Variants in XCR1 observed in about 807,000 individuals in gnomAD.
XCR1 encodes the protein chemokine XC receptor 1.
For missense variants in XCR1, 356 were observed against 424.2 expected (o/e 0.84, Z 1.41); for synonymous variants, 187 against 188.5 (o/e 0.99, Z 0.06).
intron 1 of XCR1, among the ~76,000 whole-genome samples, chr3:46,085,445 C>T (rs1206745484): frequency 6.6e-6 from 1 of 152,212 alleles, no homozygotes; most frequent in Non-Finnish European, 1.5e-5. Flanking sequence ...GACAATTGTT[C>T]TGCAGCCTGT....
At chr3:46,070,248 G>A (rs1407601561) in intron 3 of XCR1, among the ~76,000 whole-genome samples, 1 of 152,008 alleles carries the variant, frequency 6.6e-6, no homozygotes, top group Non-Finnish European at 1.5e-5. Context: ...TGAGAAGAAG[G>A]TATATTCTAT....
chr3:46,076,254 C>G (rs1470554066), intron 2 of XCR1, among the ~76,000 whole-genome samples: 1 of 152,142 alleles, frequency 6.6e-6, no homozygotes, highest in Non-Finnish European at 1.5e-5. Flanking sequence ...TTGTCTCTAC[C>G]ATCTGACATA....
chr3:46,076,368 C>CTT (rs1698260306), intron 2 of XCR1, among the ~76,000 whole-genome samples: 1 of 152,058 alleles, frequency 6.6e-6, no homozygotes, highest in Admixed American at 6.6e-5. Context: ...AAATCTGGGC[C>CTT]GTTCCTACTT....
chr3:46,058,068 AT>A (rs2125900499), intron 4 of XCR1, among the ~76,000 whole-genome samples: 1 of 152,178 alleles, frequency 6.6e-6, no homozygotes, highest in Non-Finnish European at 1.5e-5. Context: ...ACTCATATGG[AT>A]TTAGGTAATG....
intron 4 of XCR1, among the ~76,000 whole-genome samples, chr3:46,061,783 G>A (rs1697968026): frequency 6.6e-6 from 1 of 152,160 alleles, no homozygotes; most frequent in South Asian, 2.1e-4. Context: ...GGGGTGCCAG[G>A]CCTGGGCTTC....
intron 1 of XCR1, among the ~76,000 whole-genome samples, chr3:46,079,566 G>C (rs773873130): frequency 2.0e-5 from 3 of 151,870 alleles, no homozygotes; most frequent in Non-Finnish European, 4.4e-5. Flanking sequence ...CAAGTCCCCT[G>C]TCCTGCCCTT....
intron 5 of XCR1, among the ~76,000 whole-genome samples, chr3:46,048,637 A>T (rs1438710682): frequency 6.6e-6 from 1 of 152,160 alleles, no homozygotes; most frequent in Non-Finnish European, 1.5e-5. Context: ...TGAAAACACA[A>T]GCATATCCTC....
chr3:46,084,071 A>G (rs1048061102), intron 1 of XCR1, among the ~76,000 whole-genome samples: 1 of 152,182 alleles, frequency 6.6e-6, no homozygotes, highest in African/African-American at 2.4e-5. Flanking sequence ...GAGACTGGCG[A>G]TGATGGAGCA....
intron 1 of XCR1, chr3:46,024,061 C>A: frequency 9.7e-7 from 1 of 1,027,774 alleles, no homozygotes; most frequent in Non-Finnish European, 1.5e-6. Context: ...CAAGGACATT[C>A]CAATCCCCAG....
At chr3:46,053,920 C>T (rs1057208756) in exon 5 of XCR1, among the ~76,000 whole-genome samples, 5 of 150,650 alleles carry the variant, frequency 3.3e-5, no homozygotes, top group African/African-American at 4.9e-5. Flanking sequence ...GGGCACTGAC[C>T]ATAATTATAT....
At chr3:46,072,872 A>G (rs1299171426) in intron 3 of XCR1, among the ~76,000 whole-genome samples, 1 of 152,244 alleles carries the variant, frequency 6.6e-6, no homozygotes, top group Non-Finnish European at 1.5e-5. Flanking sequence ...TTCAAATTAT[A>G]CTACAAGGCT....
chr3:46,078,235 C>A (rs13434141), intron 1 of XCR1, among the ~76,000 whole-genome samples: 36,317 of 152,062 alleles, frequency 0.24, 4,641 homozygotes, highest in Middle Eastern at 0.33. Context: ...GCCTCATCTT[C>A]TTCCTTTGGG....
At chr3:46,042,532 G>A (rs1440659266) in intron 5 of XCR1, among the ~76,000 whole-genome samples, 1 of 152,104 alleles carries the variant, frequency 6.6e-6, no homozygotes, top group Non-Finnish European at 1.5e-5. Context: ...GATTATGAGA[G>A]AATATGATGA....
chr3:46,053,574 G>T (rs1697792055), intron 5 of XCR1, among the ~76,000 whole-genome samples: 1 of 152,116 alleles, frequency 6.6e-6, no homozygotes, highest in Non-Finnish European at 1.5e-5. Context: ...GGAGATAATG[G>T]CAGAAGTACA....
At chr3:46,024,230 A>G (rs1396826083) in intron 1 of XCR1, 4 of 349,826 alleles carry the variant, frequency 1.1e-5, no homozygotes, top group Non-Finnish European at 2.1e-5. Context: ...AAAAAAAAAA[A>G]ATGAAAAGGG....
At chr3:46,061,685 A>G (rs1374376448) in intron 4 of XCR1, among the ~76,000 whole-genome samples, 1 of 152,132 alleles carries the variant, frequency 6.6e-6, no homozygotes, top group Non-Finnish European at 1.5e-5. Flanking sequence ...GTGAAGCTGG[A>G]GCCTGGGGTC....
chr3:46,040,519 T>C (rs1697522166), intron 5 of XCR1, among the ~76,000 whole-genome samples: 3 of 152,190 alleles, frequency 2.0e-5, no homozygotes, highest in Admixed American at 2.0e-4. Flanking sequence ...TGGGTTATAG[T>C]TATATAGATA....
At chr3:46,080,513 G>A (rs535904875) in intron 1 of XCR1, among the ~76,000 whole-genome samples, 2 of 152,206 alleles carry the variant, frequency 1.3e-5, no homozygotes, top group South Asian at 4.1e-4. Context: ...AGTGAGCTGA[G>A]ATTGTGCCAC....
intron 1 of XCR1, chr3:46,023,369 G>T: frequency 7.0e-7 from 1 of 1,425,894 alleles, no homozygotes; most frequent in African/African-American, 1.4e-5. Flanking sequence ...TTAGCTGCAG[G>T]CAAATACGAA....
Sources: gnomAD v4.1 joint callset for allele counts (sites outside exome capture counted in the v4.1 genomes callset) on GRCh38, gnomAD v4.1.1 for gene constraint, MANE v1.5 for transcripts, NCBI Gene and HGNC (gene_info 2026-07-23, HGNC 2026-07-21) for gene names.